HNF1B: variants seen among roughly 807,000 people sequenced by gnomAD.
The protein encoded by HNF1B is hepatocyte nuclear factor 1-beta.
A neutral mutation model predicts 61.7 loss-of-function variants in HNF1B; 8 were observed. That is an observed-to-expected ratio of 0.13 (90% CI 0.08 to 0.23). The LOEUF is 0.23. Ranked by LOEUF, HNF1B falls within the 10% of genes least tolerant of loss-of-function variation. The probability of loss-of-function intolerance (pLI) is 1.00; values close to 1 mark genes in which losing one functional copy is unlikely to be tolerated. For missense variants in HNF1B, 562 were observed against 714.5 expected (o/e 0.79, Z 2.43); for synonymous variants, 314 against 287.7 (o/e 1.09, Z -0.93).
intron 8 of HNF1B, among the ~76,000 whole-genome samples, chr17:37,695,349 C>T (rs2032348875): frequency 6.6e-6 from 1 of 152,218 alleles, no homozygotes; most frequent in South Asian, 2.1e-4. Flanking sequence ...GCAGCTTCCA[C>T]CTAGATTTCA....
intron 4 of HNF1B, among the ~76,000 whole-genome samples, chr17:37,719,501 G>T (rs1003478074): frequency 6.6e-6 from 1 of 152,208 alleles, no homozygotes; most frequent in African/African-American, 2.4e-5. Context: ...ACTAAGAAGG[G>T]TTAATGGTGG....
chr17:37,729,517 G>GT (rs1170308439), intron 4 of HNF1B: 1 of 150,766 alleles, frequency 6.6e-6, no homozygotes. Context: ...TCCAGAAACA[G>GT]TAATAGGATC....
chr17:37,713,381 C>T (rs915274436), intron 4 of HNF1B, among the ~76,000 whole-genome samples: 1 of 152,272 alleles, frequency 6.6e-6, no homozygotes, highest in Non-Finnish European at 1.5e-5. Context: ...CAAGGATTTC[C>T]GCAGGAAACA....
At chr17:37,707,128 T>C (rs1196943858) in intron 5 of HNF1B, among the ~76,000 whole-genome samples, 1 of 151,872 alleles carries the variant, frequency 6.6e-6, no homozygotes, top group Non-Finnish European at 1.5e-5. Flanking sequence ...TTTTTTTTTT[T>C]TTTTTGAGAC....
chr17:37,728,954 AG>A (rs931561150), intron 4 of HNF1B: 2 of 153,508 alleles, frequency 1.3e-5, no homozygotes. Flanking sequence ...GAGATCAAAA[AG>A]AAAATGATTT....
intron 2 of HNF1B, among the ~76,000 whole-genome samples, chr17:37,734,556 C>T (rs971099147): frequency 6.6e-6 from 1 of 152,168 alleles, no homozygotes; most frequent in African/African-American, 2.4e-5. Flanking sequence ...ACCAGCAGCT[C>T]GGCCCAGAGG....
intron 4 of HNF1B, among the ~76,000 whole-genome samples, chr17:37,722,986 C>G (rs983283226): frequency 1.3e-5 from 2 of 152,030 alleles, no homozygotes; most frequent in African/African-American, 4.8e-5. Context: ...TGGCAGGTTC[C>G]CAGGGCTAAT....
intron 6 of HNF1B, 30 bp downstream of exon 6, chr17:37,704,887 C>G: frequency 6.2e-7 from 1 of 1,613,444 alleles, no homozygotes; most frequent in Non-Finnish European, 8.5e-7. Context: ...CTCCCTGCCC[C>G]CAAGTTTTCC....
chr17:37,731,640 A>T lies in HNF1B; in HGVS notation c.1000T>A (p.Ser334Thr). The T allele has an allele frequency of 1.2e-6, 2 of 1,613,656 alleles. No individual in the cohort carries two copies. The highest frequency in any genetic ancestry group is 1.1e-5 in the South Asian group (1 of 91,010). ...HSLNPLLSHG[S>T]PHHQPSSSPP... is the part of the protein sequence containing the mutation. ...GAGGAGCTGGGCTGGTGGTGGGGGG[A>T]GCCGTGGGAGAGCAGAGGGTTCAGG... The change falls in exon 4 of 9, where the codon TCC (serine) becomes ACC (threonine). Residue 334 changes from serine to threonine, a missense_variant. Physicochemically the swap from Ser to Thr is moderately conservative, Grantham distance 58. This residue lies in a region of HNF1B where 211 missense variants were observed against 200.7 expected (regional missense o/e 1.05). Transcript: ENST00000617811.
intron 5 of HNF1B, 24 bp downstream of exon 5, chr17:37,710,479 C>G: frequency 6.2e-7 from 1 of 1,613,800 alleles, no homozygotes; most frequent in Non-Finnish European, 8.5e-7. Context: ...AGCTCCAGAG[C>G]GACAATGGCC....
At chr17:37,704,555 A>G (rs2032676614) in intron 6 of HNF1B, among the ~76,000 whole-genome samples, 1 of 152,258 alleles carries the variant, frequency 6.6e-6, no homozygotes. Context: ...CTACGATGTT[A>G]TACATATTCA....
Position 37,739,671 on chromosome 17 carries a change from G to C in HNF1B, c.345-32C>G, listed in dbSNP as rs1202570488. The C allele has an allele frequency of 4.5e-6, 7 of 1,543,766 alleles. No homozygotes were observed. In the Admixed American group the frequency reaches 1.3e-4, roughly 28 times the overall value. ...AGACAAGCAGATGGTTAGGGTACTA[G>C]TGGGAGACATCTGGGGAGAAACATT... On this transcript the variant is annotated intron_variant, in intron 1 of 8. Coordinates refer to ENST00000617811, the MANE Select transcript of HNF1B (RefSeq NM_000458.4).
chr17:37,696,988 A>G (rs541300300), intron 8 of HNF1B, among the ~76,000 whole-genome samples: 1 of 151,748 alleles, frequency 6.6e-6, no homozygotes, highest in African/African-American at 2.4e-5. Flanking sequence ...CTTATTTTTT[A>G]CTCTTGTTCC....
chr17:37,731,475 G>A (rs986389266), intron 4 of HNF1B, 120 bp downstream of exon 4: 4 of 798,414 alleles, frequency 5.0e-6, no homozygotes, highest in Non-Finnish European at 8.7e-6. Flanking sequence ...CAATGAGAGA[G>A]CGGCCCTAGG....
chr17:37,691,106 G>T (rs962779346), intron 8 of HNF1B, among the ~76,000 whole-genome samples: 15 of 152,196 alleles, frequency 9.9e-5, no homozygotes, highest in African/African-American at 3.6e-4. Context: ...GAAAAAAGGA[G>T]GGAGAGATCA....
intron 4 of HNF1B, among the ~76,000 whole-genome samples, chr17:37,727,286 TA>T (rs2147527420): frequency 6.6e-6 from 1 of 152,160 alleles, no homozygotes; most frequent in Admixed American, 6.5e-5. Context: ...ATGGAGCCTA[TA>T]ACCAGGGACA....
intron 4 of HNF1B, chr17:37,721,047 C>A: frequency 1.4e-6 from 1 of 714,792 alleles, no homozygotes; most frequent in Non-Finnish European, 1.7e-6. Context: ...CAAGAACTCA[C>A]ATAGACTTCA....
At chr17:37,710,995 C>A (rs1369998263) in intron 4 of HNF1B, among the ~76,000 whole-genome samples, 1 of 152,242 alleles carries the variant, frequency 6.6e-6, no homozygotes, top group African/African-American at 2.4e-5. Flanking sequence ...TTTGTTATTG[C>A]TTCCGCACAG....
intron 5 of HNF1B, among the ~76,000 whole-genome samples, chr17:37,705,361 G>C (rs1207307338): frequency 6.6e-6 from 1 of 152,186 alleles, no homozygotes; most frequent in East Asian, 1.9e-4. Context: ...CACTATTCTA[G>C]GTGCTGGGGA....
Sources: gnomAD v4.1 joint callset for allele counts (sites outside exome capture counted in the v4.1 genomes callset) on GRCh38, gnomAD v4.1.1 for gene constraint, gnomAD v4.1.1 regional missense constraint, MANE v1.5 for transcripts, NCBI Gene and HGNC (gene_info 2026-07-23, HGNC 2026-07-21) for gene names.